Variants in SPAG17 observed in about 807,000 individuals in gnomAD.
SPAG17 encodes the protein sperm associated antigen 17.
Under a neutral mutation model 273.6 loss-of-function variants are expected in SPAG17, and 169 were observed. The ratio of observed to expected loss-of-function variants is 0.62; its 90% CI spans 0.55 to 0.70. The LOEUF is 0.70. Among genes scored for constraint, SPAG17 ranks in the 30% least tolerant of loss-of-function variants. The pLI, the probability that SPAG17 is intolerant of heterozygous loss-of-function variation, is 0.00. For missense variants in SPAG17, 2,557 were observed against 2,627.8 expected, an observed-to-expected ratio of 0.97 and a Z score of 0.59; for synonymous variants, 825 against 873.2, an observed-to-expected ratio of 0.94 and a Z score of 0.97.
chr1:118,076,608 G>A (rs1404022614), intron 15 of SPAG17: 1 of 152,038 alleles, frequency 6.6e-6, no homozygotes, highest in East Asian at 1.9e-4. Flanking sequence ...TATGTTTAAG[G>A]ATCCAGCAGA....
chr1:117,982,545 A>T (rs1655958488), intron 42 of SPAG17, among the ~76,000 whole-genome samples: 1 of 152,076 alleles, frequency 6.6e-6, no homozygotes, highest in Non-Finnish European at 1.5e-5. Flanking sequence ...CCGGCCCCCT[A>T]TCTGGGTATT....
chr1:118,033,105 A>G lies in SPAG17; in HGVS notation c.3434-1238T>C, dbSNP rs150984062. The stretch of plus-strand genomic sequence containing the variant: ...CCAGGGCTGAGCAACTCTCTTACAT[A>G]TATTAGATCTGGATGATCTCATTCA... On this transcript the variant is annotated intron_variant, in intron 24 of 48. Coordinates refer to ENST00000336338, the MANE Select transcript of SPAG17 (RefSeq NM_206996.4). Among the ~76,000 whole-genome samples the G allele has an allele frequency of 3.2e-3, 485 of 152,286 alleles. 5 individuals carry two copies. The highest frequency in any genetic ancestry group is 4.9e-3 in the Non-Finnish European group (334 of 68,030).
At chr1:118,006,925 C>T (rs920313977) in intron 31 of SPAG17, among the ~76,000 whole-genome samples, 4 of 152,270 alleles carry the variant, frequency 2.6e-5, no homozygotes, top group Middle Eastern at 3.4e-3. Context: ...AATTCAAATC[C>T]TTTGCTCATT....
chr1:118,102,254 G>A (rs1025391845), intron 4 of SPAG17, among the ~76,000 whole-genome samples: 1 of 152,208 alleles, frequency 6.6e-6, no homozygotes, highest in Non-Finnish European at 1.5e-5. Flanking sequence ...ATAATTCTGA[G>A]TACATAATGG....
rs541523520 is a variant in SPAG17 at position 118,055,598 on chromosome 1, A to G, written c.2722+135T>C. 18 of 674,764 alleles carry G rather than the reference A, an allele frequency of 2.7e-5. No homozygotes were observed. The South Asian group carries it at 3.3e-4, about 12-fold the overall frequency. The allele number at this position is 674,764 out of a possible 1,614,324, so 41.8% of individuals were successfully genotyped here. On this transcript the variant is annotated intron_variant, in intron 19 of 48. Coordinates refer to ENST00000336338, the MANE Select transcript of SPAG17 (RefSeq NM_206996.4). ...GGAATGCAGCTACTCTATTTACTAG[A>G]GAAAGTGAAGAGTCACAGGAACTTT...
chr1:118,167,385 A>G (rs1471995716), intron 1 of SPAG17, among the ~76,000 whole-genome samples: 1 of 152,164 alleles, frequency 6.6e-6, no homozygotes, highest in Admixed American at 6.5e-5. Flanking sequence ...ATTTTTGTAC[A>G]ATATCAGAAC....
intron 48 of SPAG17, among the ~76,000 whole-genome samples, chr1:117,954,322 T>G (rs1263144558): frequency 6.6e-6 from 1 of 152,054 alleles, no homozygotes; most frequent in Non-Finnish European, 1.5e-5. Flanking sequence ...ATTATTGTCT[T>G]GAGTAGAAAC....
intron 30 of SPAG17, among the ~76,000 whole-genome samples, chr1:118,009,005 T>C (rs1370025248): frequency 2.0e-5 from 3 of 152,158 alleles, no homozygotes; most frequent in Non-Finnish European, 4.4e-5. Flanking sequence ...ATTTGTTTCC[T>C]TGTGCAAATG....
At chr1:117,954,465 TA>T in intron 48 of SPAG17, 1 of 995,242 alleles carries the variant, frequency 1.0e-6, no homozygotes, top group Non-Finnish European at 1.5e-6. Context: ...GTCAGTTTTT[TA>T]GGGTCTCTTT....
rs562437666 is a variant in SPAG17 at position 118,080,244 on chromosome 1, G to A, written c.2209+857C>T. 6.6e-5 allele frequency among the ~76,000 whole-genome samples: 10 copies of A among 152,162 alleles called. No individual in the cohort carries two copies. The South Asian group carries it at 2.1e-3, about 32-fold the overall frequency. On this transcript the variant is annotated intron_variant, in intron 15 of 48. Transcript: ENST00000336338. ...ATTATGACCCTGGAATGCTAAGAGA[G>A]GCATTTCCATATGGACACATCCAAT...
In SPAG17 at chr1:118,105,992, GGGCTGCATCA is replaced by G. The variant is rs372142306; in HGVS notation, c.448-4076_448-4067del. The stretch of plus-strand genomic sequence containing the variant: ...TGGGAGTTACAGCCATGTGGTCAGG[GGGCTGCATCA>G]GGCCATCAGGACTGTAAACCTTTAA... On this transcript the variant is annotated intron_variant, in intron 4 of 48. Transcript: ENST00000336338. Among the ~76,000 whole-genome samples the G allele has an allele frequency of 6.4e-4, 97 of 152,268 alleles. 1 individual carries two copies. The highest frequency in any genetic ancestry group is 2.2e-3 in the African/African-American group (92 of 41,550).
At chr1:118,160,687 A>T (rs1031414510) in intron 1 of SPAG17, among the ~76,000 whole-genome samples, 32 of 152,240 alleles carry the variant, frequency 2.1e-4, no homozygotes, top group Non-Finnish European at 1.5e-5. Context: ...ATTCTTCCCC[A>T]AATTCAATAA....
chr1:118,087,257 CAAT>C lies in SPAG17; in HGVS notation c.1360-252_1360-250del, dbSNP rs879928570. The C allele has an allele frequency of 6.6e-5, 21 of 317,872 alleles. No homozygotes were observed. In the Admixed American group the frequency reaches 7.2e-4, roughly 11 times the overall value. 19.7% of individuals were successfully genotyped at this position (317,872 alleles called of 1,614,324 possible). ...AAAATAGATAACATGAAAATGGTAA[CAAT>C]AAGTTTTTGATAAAAATATTTCATG... On this transcript the variant is annotated intron_variant, in intron 10 of 48. Coordinates refer to ENST00000336338, the MANE Select transcript of SPAG17 (RefSeq NM_206996.4).
intron 1 of SPAG17, among the ~76,000 whole-genome samples, chr1:118,167,426 T>C (rs1295130552): frequency 6.6e-6 from 1 of 152,190 alleles, no homozygotes; most frequent in Non-Finnish European, 1.5e-5. Context: ...TTTTTTCTTT[T>C]AATCTCCTGA....
chr1:118,095,489 T>C (rs1655650684), intron 7 of SPAG17, among the ~76,000 whole-genome samples: 1 of 152,204 alleles, frequency 6.6e-6, no homozygotes, highest in South Asian at 2.1e-4. Context: ...TGTGTCTTGT[T>C]GAACAAAAAA....
intron 29 of SPAG17, among the ~76,000 whole-genome samples, chr1:118,013,950 C>G (rs1368713643): frequency 1.3e-5 from 2 of 152,158 alleles, no homozygotes; most frequent in Non-Finnish European, 2.9e-5. Flanking sequence ...CTGGTAAGGA[C>G]TATGGCTAGG....
intron 31 of SPAG17, 117 bp downstream of exon 31, chr1:118,007,926 AG>A (rs1659067425): frequency 1.0e-6 from 1 of 999,160 alleles, no homozygotes; most frequent in East Asian, 2.5e-5. Context: ...TAGTATTATA[AG>A]AGAATGAAAG....
intron 32 of SPAG17, among the ~76,000 whole-genome samples, chr1:118,001,108 A>C (rs1658233780): frequency 6.6e-6 from 1 of 152,140 alleles, no homozygotes; most frequent in African/African-American, 2.4e-5. Context: ...GGTTCTGTTT[A>C]TGTGATGGAT....
In SPAG17 at chr1:117,992,595, A is replaced by C; in HGVS notation, c.5232T>G (p.Ile1744Met). ...GGGCACTCACTAGCTGTTTGGACTC[A>C]ATGCAAAGGCCTTTCCAAATCTGAG... Reference protein sequence around the residue: ...FGTQIWKGLCIESKQLVSAPG... With the variant: ...FGTQIWKGLCMESKQLVSAPG... The change falls in exon 36 of 49, where the codon ATT (isoleucine) becomes ATG (methionine). Residue 1744 changes from isoleucine (I) to methionine (M), a missense_variant. Transcript: ENST00000336338. The C allele has an allele frequency of 6.2e-7, 1 of 1,613,334 alleles. No individual in the cohort carries two copies. Among genetic ancestry groups the C allele is most frequent in the Non-Finnish European group, 8.5e-7 (1 of 1,179,720 alleles).
Sources: gnomAD v4.1 joint callset for allele counts (sites outside exome capture counted in the v4.1 genomes callset) on GRCh38, gnomAD v4.1.1 for gene constraint, MANE v1.5 for transcripts, NCBI Gene and HGNC (gene_info 2026-07-23, HGNC 2026-07-21) for gene names.